The following TM9SF2 variants were observed in gnomAD, a reference collection of about 807,000 sequenced individuals.
The protein encoded by TM9SF2 is transmembrane 9 superfamily member 2.
TM9SF2 carries 13 observed loss-of-function variants against 84.9 expected under a neutral mutation model. The ratio of observed to expected loss-of-function variants is 0.15; its 90% CI spans 0.10 to 0.24. The LOEUF is 0.24. Among genes scored for constraint, TM9SF2 ranks in the 10% least tolerant of loss-of-function variants. The pLI, the probability that TM9SF2 is intolerant of heterozygous loss-of-function variation, is 1.00. For missense variants in TM9SF2, 562 were observed against 818.5 expected (o/e 0.69, Z 3.82); for synonymous variants, 273 against 285.8 (o/e 0.96, Z 0.45).
chr13:99,548,074 A>G (rs2046291150), intron 11 of TM9SF2, among the ~76,000 whole-genome samples: 1 of 152,176 alleles, frequency 6.6e-6, no homozygotes, highest in Non-Finnish European at 1.5e-5. Context: ...TTTAATGCAT[A>G]CAAAATACAG....
chr13:99,555,651 T>C lies in TM9SF2; in HGVS notation c.1752+4T>C. ...CTATTTCCACCTATGTGCAGAGGTA[T>C]GTATTAGCAGTATTCACTTATGTTA... On this transcript the variant is annotated splice_donor_region_variant and intron_variant, in intron 15 of 16. Coordinates refer to ENST00000376387, the MANE Select transcript of TM9SF2 (RefSeq NM_004800.3). 3 of 1,596,266 alleles carry C rather than the reference T, an allele frequency of 1.9e-6. No individual in the cohort carries two copies. Among genetic ancestry groups the C allele is most frequent in the Non-Finnish European group, 2.6e-6 (3 of 1,164,130 alleles).
chr13:99,533,156 C>T (rs2046218175), intron 4 of TM9SF2, among the ~76,000 whole-genome samples: 1 of 152,258 alleles, frequency 6.6e-6, no homozygotes, highest in African/African-American at 2.4e-5. Flanking sequence ...GTGAATATAG[C>T]ACATTTTATT....
At chr13:99,559,017 G>A (rs80086391) in intron 15 of TM9SF2, among the ~76,000 whole-genome samples, 1,625 of 152,322 alleles carry the variant, frequency 0.011, 13 homozygotes, top group Non-Finnish European at 0.017. Flanking sequence ...TAGTATTAAT[G>A]TCGAGCCCTG....
intron 2 of TM9SF2, among the ~76,000 whole-genome samples, chr13:99,518,303 G>T (rs1447061149): frequency 6.6e-6 from 1 of 152,250 alleles, no homozygotes; most frequent in East Asian, 1.9e-4. Context: ...GTAGAGATGG[G>T]TTTCACCATG....
chr13:99,513,845 G>A (rs1256167472), intron 1 of TM9SF2, among the ~76,000 whole-genome samples: 1 of 152,244 alleles, frequency 6.6e-6, no homozygotes, highest in Non-Finnish European at 1.5e-5. Flanking sequence ...ATGCTCACTT[G>A]TGGATGTAGT....
chr13:99,529,871 AC>A (rs2046200741), intron 4 of TM9SF2, among the ~76,000 whole-genome samples: 1 of 152,214 alleles, frequency 6.6e-6, no homozygotes, highest in Non-Finnish European at 1.5e-5. Context: ...TTATTCACAT[AC>A]AGGCATACCT....
chr13:99,563,943 GTC>G lies in TM9SF2; in HGVS notation c.*1191_*1192del, dbSNP rs1313334511. ...TGAGCATATTCATTTGTATTTTAGG[GTC>G]TCTCTGCTTGCTGCTTAGGAGAGCA... On this transcript the variant is annotated 3_prime_UTR_variant, in exon 17 of 17. Coordinates refer to ENST00000376387, the MANE Select transcript of TM9SF2 (RefSeq NM_004800.3). 2.6e-5 allele frequency: 4 copies of G among 152,056 alleles called. No homozygotes were observed. The highest frequency in any genetic ancestry group is 2.1e-4 in the South Asian group (1 of 4,824). 9.4% of individuals were successfully genotyped at this position (152,056 alleles called of 1,614,324 possible).
rs771791272 is a variant in TM9SF2, at chr13:99,549,146, C to CT, written c.1271-15dup. 26 of 1,602,722 alleles carry CT rather than the reference C, an allele frequency of 1.6e-5. No individual in the cohort carries two copies. The highest frequency in any genetic ancestry group is 2.1e-5 in the Non-Finnish European group (25 of 1,173,698). ...TTAAAGAAAATCTGTATTTATACAA[C>CT]TTTTGTTTTCTTCTATAGCCTTTGG... On this transcript the variant is annotated intron_variant, in intron 11 of 16. Coordinates refer to ENST00000376387, the MANE Select transcript of TM9SF2 (RefSeq NM_004800.3).
At chr13:99,525,126 T>C (rs1336236914) in intron 3 of TM9SF2, among the ~76,000 whole-genome samples, 1 of 152,068 alleles carries the variant, frequency 6.6e-6, no homozygotes, top group African/African-American at 2.4e-5. Flanking sequence ...GGAGAGAGAA[T>C]GGAAAGAGCA....
Position 99,530,982 on chromosome 13 carries a change from G to A in TM9SF2, c.461+1388G>A, listed in dbSNP as rs757532338. On this transcript the variant is annotated intron_variant, in intron 4 of 16. Transcript: ENST00000376387. ...GTCAAGTGATTCTTGCATTTTAGCC[G>A]CCTGAGTAGCTGGGATTACATGTGC... Among the ~76,000 whole-genome samples, 114 of 151,562 alleles carry A rather than the reference G, an allele frequency of 7.5e-4. 3 individuals carry two copies. Among genetic ancestry groups the A allele is most frequent in the Middle Eastern group, 6.8e-3 (2 of 294 alleles).
At chr13:99,559,580 G>T in intron 16 of TM9SF2, 46 bp downstream of exon 16, 1 of 1,492,388 alleles carries the variant, frequency 6.7e-7, no homozygotes, top group South Asian at 1.3e-5. Context: ...TAAGTTTTTA[G>T]ACAAATAACT....
intron 1 of TM9SF2, among the ~76,000 whole-genome samples, chr13:99,509,855 CTT>C (rs201308625): frequency 6.6e-6 from 1 of 151,860 alleles, no homozygotes; most frequent in Non-Finnish European, 1.5e-5. Flanking sequence ...CCAGAAAAAA[CTT>C]TTTTTTTCTT....
chr13:99,540,686 C>T, intron 7 of TM9SF2, 28 bp from the exon 8 acceptor site: 1 of 1,591,410 alleles, frequency 6.3e-7, no homozygotes, highest in Non-Finnish European at 8.6e-7. Context: ...CAGATGTTTA[C>T]TTAAAGAGAT....
intron 10 of TM9SF2, among the ~76,000 whole-genome samples, chr13:99,544,354 C>CA (rs368008400): frequency 1.4e-5 from 2 of 147,716 alleles, no homozygotes; most frequent in Non-Finnish European, 3.0e-5. Flanking sequence ...AAAAAAAAAA[C>CA]AAAAAACACC....
intron 10 of TM9SF2, among the ~76,000 whole-genome samples, chr13:99,546,581 A>G (rs937830135): frequency 1.4e-5 from 2 of 142,608 alleles, no homozygotes; most frequent in Non-Finnish European, 3.1e-5. Flanking sequence ...TTTTTTTTTT[A>G]CCCCCAGAGG....
chr13:99,528,184 A>AAAAT (rs1438893993), intron 3 of TM9SF2, among the ~76,000 whole-genome samples: 2 of 152,222 alleles, frequency 1.3e-5, no homozygotes, highest in Non-Finnish European at 2.9e-5. Flanking sequence ...AACATGATTT[A>AAAAT]AAATATTATA....
intron 3 of TM9SF2, among the ~76,000 whole-genome samples, chr13:99,528,574 A>G (rs151291919): frequency 3.3e-4 from 50 of 152,140 alleles, no homozygotes; most frequent in African/African-American, 1.2e-3. Context: ...AACTTATTTT[A>G]AGTTTGGTGT....
intron 4 of TM9SF2, among the ~76,000 whole-genome samples, chr13:99,531,212 C>A (rs2046207655): frequency 6.6e-6 from 1 of 152,102 alleles, no homozygotes; most frequent in African/African-American, 2.4e-5. Context: ...GAAGTATAAC[C>A]ATTGCTATTC....
chr13:99,553,328 C>G (rs1017277142), intron 13 of TM9SF2, among the ~76,000 whole-genome samples: 15 of 152,186 alleles, frequency 9.9e-5, no homozygotes, highest in African/African-American at 3.6e-4. Flanking sequence ...TCATGCCTGG[C>G]TGCTGAAGGA....
Sources: allele counts gnomAD v4.1 joint callset (sites outside exome capture counted in the v4.1 genomes callset), GRCh38; gene constraint gnomAD v4.1.1; transcripts MANE v1.5; gene names NCBI Gene and HGNC (gene_info 2026-07-23, HGNC 2026-07-21).